Variants in ABCC6 observed in about 807,000 individuals in gnomAD.
The protein encoded by ABCC6 is ATP-binding cassette sub-family C member 6.
Under a neutral mutation model 169.5 loss-of-function variants are expected in ABCC6, and 126 were observed. The observed-to-expected ratio is 0.74, with a 90% CI of 0.64 to 0.86. ABCC6 has a LOEUF of 0.86. ABCC6 is among the 40% of genes least tolerant of loss of function. The pLI is 0.00. For synonymous variants in ABCC6, 752 were observed against 814.7 expected (o/e 0.92, Z 1.31); for missense variants, 1,733 against 1,927.2 (o/e 0.90, Z 1.89).
chr16:16,152,149 C>T (rs1237803438), intron 29 of ABCC6, among the ~76,000 whole-genome samples: 3 of 141,828 alleles, frequency 2.1e-5, no homozygotes, highest in South Asian at 2.3e-4. Flanking sequence ...GCCAAGATCG[C>T]GCCACTGCAC....
At chr16:16,221,853 C>G in intron 1 of ABCC6, 22 bp from the exon 2 acceptor site, 5 of 1,612,502 alleles carry the variant, frequency 3.1e-6, no homozygotes, top group Non-Finnish European at 3.4e-6. Flanking sequence ...CAAAGAGGAC[C>G]CTTAGGATGG....
At chr16:16,182,333 C>T in intron 17 of ABCC6, 79 bp downstream of exon 17, 2 of 1,542,048 alleles carry the variant, frequency 1.3e-6, no homozygotes, top group South Asian at 2.2e-5. Flanking sequence ...CTCCATCATA[C>T]TGCCCATGAT....
rs66616070 is a variant in ABCC6, at chr16:16,182,414, G to C, written c.2245C>G (p.Gln749Glu). The C allele has an allele frequency of 2.5e-6, 4 of 1,613,692 alleles. No homozygotes were observed. The highest frequency in any genetic ancestry group is 1.3e-5 in the African/African-American group (1 of 74,972). ...PEGIHTSIGE[Q>E]GMNLSGGQKQ... The stretch of plus-strand genomic sequence containing the variant: ...CAAAAAGACCCCCAAACTCTCACCT[G>C]CTCCCCAATTGAAGTGTGGATTCCC... Residue 749 changes from glutamine to glutamate, a missense_variant and splice_region_variant, in exon 17 of 31, where the codon CAG becomes GAG. By Grantham distance (29) the Gln-to-Glu change is conservative. This residue lies in a region of ABCC6 where 1,601 missense variants were observed against 1,635.5 expected (regional missense o/e 0.98). Transcript: ENST00000205557.
intron 13 of ABCC6, among the ~76,000 whole-genome samples, chr16:16,188,493 A>G (rs563089239): frequency 6.6e-6 from 1 of 152,312 alleles, no homozygotes; most frequent in East Asian, 1.9e-4. Flanking sequence ...AGAGATAGCA[A>G]AGGAAGAGAA....
At chr16:16,203,378 C>T (rs1341872642) in intron 8 of ABCC6, 32 bp downstream of exon 8, 1 of 1,613,722 alleles carries the variant, frequency 6.2e-7, no homozygotes, top group South Asian at 1.1e-5. Flanking sequence ...AGACCACCCA[C>T]CTTAGCAGGG....
At chr16:16,170,094 T>TTTTC (rs201632442) in intron 21 of ABCC6, among the ~76,000 whole-genome samples, 2,978 of 17,014 alleles carry the variant, frequency 0.18, 48 homozygotes, top group South Asian at 0.44. Context: ...ATATTTTTTC[T>TTTTC]TTTGTTTTTT....
At chr16:16,196,357 A>G (rs999803649) in intron 10 of ABCC6, among the ~76,000 whole-genome samples, 17 of 152,210 alleles carry the variant, frequency 1.1e-4, no homozygotes, top group South Asian at 4.1e-4. Flanking sequence ...CTGCACTCCA[A>G]GGGCAGAGAT....
At chr16:16,151,563 T>A (rs2046387707) in intron 29 of ABCC6, among the ~76,000 whole-genome samples, 1 of 152,170 alleles carries the variant, frequency 6.6e-6, no homozygotes, top group African/African-American at 2.4e-5. Context: ...GGGCCTTAAA[T>A]ACAGATGTGT....
chr16:16,171,943 GA>G (rs2047095200), intron 21 of ABCC6, among the ~76,000 whole-genome samples: 1 of 132,810 alleles, frequency 7.5e-6, no homozygotes, highest in Admixed American at 7.5e-5. Flanking sequence ...GGGTGGGTGG[GA>G]TGGATAAATG....
chr16:16,169,960 G>T (rs2047005372), intron 21 of ABCC6, 107 bp from the exon 22 acceptor site: 3 of 1,153,508 alleles, frequency 2.6e-6, no homozygotes, highest in Non-Finnish European at 3.8e-6. Context: ...TGGCAGATGG[G>T]ACCACCACGC....
intron 21 of ABCC6, among the ~76,000 whole-genome samples, chr16:16,172,171 T>G (rs1319941900): frequency 1.9e-5 from 2 of 104,668 alleles, no homozygotes; most frequent in Non-Finnish European, 3.7e-5. Flanking sequence ...GATAAATGGG[T>G]GGGTGGGATG....
intron 18 of ABCC6, 87 bp downstream of exon 18, chr16:16,178,707 GGGGA>G: frequency 7.0e-7 from 1 of 1,432,840 alleles, no homozygotes; most frequent in Non-Finnish European, 9.8e-7. Context: ...CAAGTGGAAG[GGGGA>G]GGTGAGATAA....
At chr16:16,185,822 A>G (rs549898291) in intron 14 of ABCC6, among the ~76,000 whole-genome samples, 3 of 152,300 alleles carry the variant, frequency 2.0e-5, no homozygotes, top group Admixed American at 1.3e-4. Context: ...TATTATTATT[A>G]TTTCACTGTG....
chr16:16,209,532 A>T (rs2048521848), intron 6 of ABCC6, among the ~76,000 whole-genome samples: 1 of 152,072 alleles, frequency 6.6e-6, no homozygotes, highest in Non-Finnish European at 1.5e-5. Flanking sequence ...TTTCCCTGGG[A>T]ATCAGAAGTC....
Position 16,198,149 on chromosome 16 carries a change from T to A in ABCC6, c.1210A>T (p.Ser404Cys). 6.2e-7 allele frequency: 1 copy of A among 1,608,626 alleles called. No homozygotes were observed. The highest frequency in any genetic ancestry group is 8.5e-7 in the Non-Finnish European group (1 of 1,177,468). ...LALSSGSRKA[S>C]AVGDVVNLVS... Reference sequence around the variant, plus strand: ...AGATTGACCACATCACCCACCGCACTGGCCTTTCTGGAGCCGCTGGACAGA... The same window carrying A: ...AGATTGACCACATCACCCACCGCACAGGCCTTTCTGGAGCCGCTGGACAGA... Residue 404 changes from serine to cysteine, a missense_variant, in exon 10 of 31, where the codon AGT becomes TGT. By Grantham distance (112) the Ser-to-Cys change is moderately radical (BLOSUM62 -1). Around this residue, in one of 5 missense-constraint regions of ABCC6, gnomAD observed 1,601 missense variants for 1,635.5 expected, o/e 0.98. Transcript: ENST00000205557.
In ABCC6 at chr16:16,182,744, C is replaced by G. The variant is rs908051202; in HGVS notation, c.2070+60G>C. On this transcript the variant is annotated intron_variant, in intron 16 of 30. Coordinates refer to ENST00000205557, the MANE Select transcript of ABCC6 (RefSeq NM_001171.6). ...TGGGATGGGGAGGGTGGGAAGGCAG[C>G]GAGGAAGTGGGACTTTCAGGATGGG... 6 of 1,610,236 alleles carry G rather than the reference C, an allele frequency of 3.7e-6. No homozygotes were observed. The South Asian group carries it at 6.6e-5, about 18-fold the overall frequency.
At chr16:16,218,988 C>T (rs1474807269) in intron 4 of ABCC6, among the ~76,000 whole-genome samples, 28 of 106,574 alleles carry the variant, frequency 2.6e-4, no homozygotes, top group African/African-American at 1.0e-3. Context: ...TGCTTGAACC[C>T]GAGAGGCAGA....
At chr16:16,195,632 G>C (rs1485953247) in intron 10 of ABCC6, among the ~76,000 whole-genome samples, 2 of 151,990 alleles carry the variant, frequency 1.3e-5, no homozygotes, top group Admixed American at 1.3e-4. Context: ...CTGATTTTTA[G>C]CAACGGTGGG....
At chr16:16,216,188 C>A (rs1441185162) in intron 4 of ABCC6, among the ~76,000 whole-genome samples, 2 of 152,236 alleles carry the variant, frequency 1.3e-5, no homozygotes, top group Non-Finnish European at 2.9e-5. Flanking sequence ...TCCCAAAGTG[C>A]TGGAATTACA....
Sources: gnomAD v4.1 joint callset for allele counts (sites outside exome capture counted in the v4.1 genomes callset) on GRCh38, gnomAD v4.1.1 for gene constraint, gnomAD v4.1.1 regional missense constraint, MANE v1.5 for transcripts, NCBI Gene and HGNC (gene_info 2026-07-23, HGNC 2026-07-21) for gene names.